ME2: variants seen among roughly 807,000 people sequenced by gnomAD.
ME2 encodes malic enzyme 2, also known as NAD-dependent malic enzyme, mitochondrial.
ME2 carries 60 observed loss-of-function variants against 73.7 expected under a neutral mutation model. The ratio of observed to expected loss-of-function variants is 0.81; its 90% CI spans 0.66 to 1.01. The LOEUF is 1.01. ME2 is among the 50% of genes least tolerant of loss of function. The pLI is 0.00. For missense variants in ME2, 594 were observed against 705.5 expected, an observed-to-expected ratio of 0.84 and a Z score of 1.79; for synonymous variants, 199 against 236.9, an observed-to-expected ratio of 0.84 and a Z score of 1.47.
intron 2 of ME2, among the ~76,000 whole-genome samples, chr18:50,901,764 T>C: frequency 6.6e-6 from 1 of 152,230 alleles, no homozygotes; most frequent in Non-Finnish European, 1.5e-5. Context: ...TTCCTGCCTC[T>C]GTGTTGGCTG....
At chr18:50,933,965 C>T (rs1158137887) in intron 13 of ME2, 2 of 152,144 alleles carry the variant, frequency 1.3e-5, no homozygotes, top group African/African-American at 4.8e-5. Flanking sequence ...GCCTCCAGCT[C>T]CATGCATGTT....
At chr18:50,896,100 T>C (rs1916737897) in intron 2 of ME2, among the ~76,000 whole-genome samples, 172 bp downstream of exon 2, 1 of 152,226 alleles carries the variant, frequency 6.6e-6, no homozygotes, top group African/African-American at 2.4e-5. Context: ...GGTTGCTTTA[T>C]ACCTCCTCAA....
At chr18:50,940,172 A>G (rs1249373427) in intron 14 of ME2, 116 bp from the exon 15 acceptor site, 22 of 734,362 alleles carry the variant, frequency 3.0e-5, no homozygotes, top group Non-Finnish European at 5.3e-5. Context: ...CCTTCAAGAA[A>G]TAAGAGGAAT....
chr18:50,920,552 T>C lies in ME2; in HGVS notation c.831T>C (p.Asn277=). 1.3e-6 allele frequency: 2 copies of C among 1,589,634 alleles called. No homozygotes were observed. The highest frequency in any genetic ancestry group is 1.7e-6 in the Non-Finnish European group (2 of 1,172,422). ...ACCGAGAAAAATATTGTACTTTCAA[T>C]GATGATATTCAAGGTAAAGCAAAAA... ...RKYREKYCTF[N]DDIQGTAAVA... The change falls in exon 8 of 16, where the codon AAT becomes AAC. Residue 277 remains asparagine, a synonymous_variant. Transcript: ENST00000321341.
At chr18:50,921,253 T>G (rs1443926214) in intron 10 of ME2, 66 bp downstream of exon 10, 1 of 791,490 alleles carries the variant, frequency 1.3e-6, no homozygotes, top group Non-Finnish European at 2.0e-6. Flanking sequence ...TTTTAAAATA[T>G]TATTCCTTAA....
At chr18:50,883,923 G>A (rs1046318548) in intron 1 of ME2, among the ~76,000 whole-genome samples, 51 of 152,156 alleles carry the variant, frequency 3.4e-4, no homozygotes, top group African/African-American at 1.2e-3. Flanking sequence ...TTCAAAATTC[G>A]AATCCCCACC....
intron 1 of ME2, among the ~76,000 whole-genome samples, chr18:50,886,467 C>T (rs2144181069): frequency 6.6e-6 from 1 of 152,186 alleles, no homozygotes; most frequent in Admixed American, 6.5e-5. Context: ...TGGTCTTGAA[C>T]TCCTGACCTC....
chr18:50,927,721 C>CATATATATAT (rs368161371), intron 12 of ME2, among the ~76,000 whole-genome samples: 4,117 of 85,038 alleles, frequency 0.048, 141 homozygotes, highest in Admixed American at 0.082. Context: ...CCCAAAAAAC[C>CATATATATAT]ATATATATAT....
chr18:50,929,980 A>T (rs573500117), intron 12 of ME2, among the ~76,000 whole-genome samples: 8 of 152,364 alleles, frequency 5.3e-5, no homozygotes, highest in African/African-American at 1.9e-4. Context: ...GAATAAATAA[A>T]AATTCCCCAA....
chr18:50,905,433 G>A (rs1419967647), intron 2 of ME2, among the ~76,000 whole-genome samples: 1 of 152,000 alleles, frequency 6.6e-6, no homozygotes, highest in Admixed American at 6.6e-5. Context: ...TTGTACTGTT[G>A]ATGAAAAGAT....
intron 2 of ME2, among the ~76,000 whole-genome samples, chr18:50,898,289 A>C (rs535779995): frequency 6.6e-6 from 1 of 152,364 alleles, no homozygotes; most frequent in Non-Finnish European, 1.5e-5. Flanking sequence ...TGGTAAAGGA[A>C]GCATAATATA....
At chr18:50,911,949 G>C (rs1019216955) in intron 3 of ME2, among the ~76,000 whole-genome samples, 6 of 152,166 alleles carry the variant, frequency 3.9e-5, no homozygotes, top group Admixed American at 2.0e-4. Context: ...TAAATCAGCT[G>C]AGAAATGATG....
At chr18:50,898,178 A>C (rs555777140) in intron 2 of ME2, among the ~76,000 whole-genome samples, 2 of 152,232 alleles carry the variant, frequency 1.3e-5, no homozygotes, top group Non-Finnish European at 2.9e-5. Context: ...ATAAAATAGT[A>C]ATTAAAGGCA....
intron 2 of ME2, among the ~76,000 whole-genome samples, chr18:50,901,003 G>T (rs1402842064): frequency 6.6e-5 from 10 of 152,168 alleles, no homozygotes; most frequent in Non-Finnish European, 1.0e-4. Context: ...TCAAATTTAT[G>T]TATTAACACC....
intron 2 of ME2, among the ~76,000 whole-genome samples, chr18:50,898,676 G>C (rs71357263): frequency 6.6e-6 from 1 of 151,992 alleles, no homozygotes; most frequent in Non-Finnish European, 1.5e-5. Flanking sequence ...CAGGTGATCC[G>C]CCTGCCTTGG....
At chr18:50,907,377 A>T (rs1047829499) in intron 2 of ME2, among the ~76,000 whole-genome samples, 1 of 152,138 alleles carries the variant, frequency 6.6e-6, no homozygotes, top group African/African-American at 2.4e-5. Context: ...TGATTGCTGC[A>T]TTTCTTTGGT....
At chr18:50,917,940 C>T (rs2457639) in intron 6 of ME2, among the ~76,000 whole-genome samples, 170 bp from the exon 7 acceptor site, 141 of 152,244 alleles carry the variant, frequency 9.3e-4, no homozygotes, top group Middle Eastern at 3.4e-3. Context: ...CATTGCACTC[C>T]AGCCTGGGTG....
chr18:50,943,336 G>A lies in ME2; in HGVS notation c.1587+2950G>A, dbSNP rs1211753089. Among the ~76,000 whole-genome samples, 2 of 151,454 alleles carry A rather than the reference G, an allele frequency of 1.3e-5. 1 individual carries two copies. The highest frequency in any genetic ancestry group is 4.9e-5 in the African/African-American group (2 of 41,166). ...TTATTTTGAGGCCGAGTTTTACTCT[G>A]TCACCCAGGTTGGAGTGCAGCGACG... On this transcript the variant is annotated intron_variant, in intron 15 of 15. Transcript: ENST00000321341.
chr18:50,918,075 A>T, intron 6 of ME2, 35 bp from the exon 7 acceptor site: 1 of 1,375,016 alleles, frequency 7.3e-7, no homozygotes, highest in Non-Finnish European at 9.9e-7. Context: ...TGATTATATA[A>T]ATTATTTTAT....
Sources: gnomAD v4.1 joint callset for allele counts (sites outside exome capture counted in the v4.1 genomes callset) on GRCh38, gnomAD v4.1.1 for gene constraint, MANE v1.5 for transcripts, NCBI Gene and HGNC (gene_info 2026-07-23, HGNC 2026-07-21) for gene names.